Variants in TMEM26 observed in about 807,000 individuals in gnomAD.
The protein encoded by TMEM26 is transmembrane protein 26.
Under a neutral mutation model 28.8 loss-of-function variants are expected in TMEM26, and 38 were observed. That is an observed-to-expected ratio of 1.32 (90% CI 1.02 to 1.73). The LOEUF (loss-of-function observed/expected upper bound fraction) is 1.73. Ranked by LOEUF, TMEM26 falls within the 40% of genes most tolerant of loss-of-function variation. The pLI is 0.00. For synonymous variants in TMEM26, 227 were observed against 182.9 expected (o/e 1.24, Z -1.95); for missense variants, 518 against 447.1 (o/e 1.16, Z -1.43).
intron 4 of TMEM26, 85 bp downstream of exon 4, chr10:61,428,841 T>G: frequency 8.5e-7 from 1 of 1,171,196 alleles, no homozygotes; most frequent in Non-Finnish European, 1.2e-6. Flanking sequence ...TTCTTATTCA[T>G]GTGAAATACA....
chr10:61,415,919 A>T (rs12766100), intron 4 of TMEM26: 45,329 of 301,336 alleles, frequency 0.15, 4,022 homozygotes, highest in Middle Eastern at 0.28. Context: ...TCATATGTTT[A>T]AGGACTATAA....
chr10:61,434,042 GATT>G (rs1316154792), intron 2 of TMEM26, among the ~76,000 whole-genome samples: 1 of 152,152 alleles, frequency 6.6e-6, no homozygotes, highest in Non-Finnish European at 1.5e-5. Context: ...GAAGAAAAGT[GATT>G]ATTATCACTC....
intron 4 of TMEM26, among the ~76,000 whole-genome samples, chr10:61,424,418 C>T (rs1464761933): frequency 6.6e-6 from 1 of 152,038 alleles, no homozygotes; most frequent in African/African-American, 2.4e-5. Flanking sequence ...AACATCTAAA[C>T]AAAGGATGAG....
chr10:61,449,535 A>G (rs1227561292), intron 1 of TMEM26, among the ~76,000 whole-genome samples: 1 of 152,210 alleles, frequency 6.6e-6, no homozygotes, highest in Non-Finnish European at 1.5e-5. Context: ...TTTCCTCTAT[A>G]GCTCTATTTA....
At position 61,436,174 on chromosome 10, in the gene TMEM26, G is replaced by GTC. The variant is rs1564480422; in HGVS notation, c.264_265dup (p.Thr89ArgfsTer26). 1 of 1,597,794 alleles carries GTC rather than the reference G, an allele frequency of 6.3e-7. No individual in the cohort carries two copies. The highest frequency in any genetic ancestry group is 1.7e-5 in the Admixed American group (1 of 59,578). ...CTACTTTCCAAAAAGAAGTACCTGG[G>GTC]TCTCATGGTGCAATTCAAGAAGCCA... On this transcript the variant is annotated frameshift_variant, in exon 2 of 6. Transcript: ENST00000399298. LOFTEE classifies it high-confidence loss of function.
chr10:61,413,569 A>G, intron 4 of TMEM26, 34 bp from the exon 5 acceptor site: 1 of 1,576,416 alleles, frequency 6.3e-7, no homozygotes, highest in East Asian at 2.3e-5. Flanking sequence ...ATTTGTAATA[A>G]AAAGTATGAT....
chr10:61,416,651 G>T (rs1267594067), intron 4 of TMEM26, among the ~76,000 whole-genome samples: 2 of 151,454 alleles, frequency 1.3e-5, no homozygotes, highest in Non-Finnish European at 1.5e-5. Flanking sequence ...TATAAAATTG[G>T]GATAATAAAA....
chr10:61,451,713 G>A (rs1407298550), intron 1 of TMEM26, among the ~76,000 whole-genome samples: 1 of 152,074 alleles, frequency 6.6e-6, no homozygotes, highest in Non-Finnish European at 1.5e-5. Context: ...TATTAAATTA[G>A]GATTGTTCTT....
rs1032584896 is a variant in TMEM26 at position 61,431,238 on chromosome 10, G to C, written c.365C>G (p.Ala122Gly). ...TCTCACCGTCTCAATGAGATCATCA[G>C]CTCTACTGGTTTGTTCATTGGATGT... Reference protein sequence around the residue: ...TLTSNEQTSRADDLIETAKVF... With the variant: ...TLTSNEQTSRGDDLIETAKVF... The change falls in exon 3 of 6, where the codon GCT becomes GGT. Residue 122 changes from alanine (A) to glycine (G), a missense_variant. Transcript: ENST00000399298. The C allele has an allele frequency of 3.1e-6, 5 of 1,612,646 alleles. No individual in the cohort carries two copies. Among genetic ancestry groups the C allele is most frequent in the Non-Finnish European group, 4.2e-6 (5 of 1,179,086 alleles).
At chr10:61,414,892 C>G (rs879469305) in intron 4 of TMEM26, 5 of 743,972 alleles carry the variant, frequency 6.7e-6, no homozygotes, top group Non-Finnish European at 8.2e-6. Context: ...AAAAAGTCTC[C>G]CATAGTGTCC....
At chr10:61,430,141 G>C (rs1385174687) in intron 3 of TMEM26, among the ~76,000 whole-genome samples, 2 of 151,998 alleles carry the variant, frequency 1.3e-5, no homozygotes, top group South Asian at 2.1e-4. Context: ...GTAGAGTAAA[G>C]ATTAATATTT....
At chr10:61,427,007 G>A (rs1839844385) in intron 4 of TMEM26, among the ~76,000 whole-genome samples, 3 of 151,842 alleles carry the variant, frequency 2.0e-5, no homozygotes. Flanking sequence ...AGTAATAGAG[G>A]CACATAGAAC....
At position 61,409,269 on chromosome 10, in the gene TMEM26, G is replaced by C. The variant is rs1470273117; in HGVS notation, c.*1053C>G. On this transcript the variant is annotated 3_prime_UTR_variant, in exon 6 of 6. Transcript: ENST00000399298. ...AAGCGAATTGCCTGATTCCCACAAC[G>C]GGGTAGCACATTCCGACTCCCGTCA... 1 of 152,168 alleles carries C rather than the reference G, an allele frequency of 6.6e-6. No individual in the cohort carries two copies. Among genetic ancestry groups the C allele is most frequent in the Non-Finnish European group, 1.5e-5 (1 of 68,050 alleles). 9.4% of individuals were successfully genotyped at this position (152,168 alleles called of 1,614,324 possible).
In TMEM26 at chr10:61,430,254, T is replaced by C. The variant is rs190935809; in HGVS notation, c.384+965A>G. On this transcript the variant is annotated intron_variant, in intron 3 of 5. Transcript: ENST00000399298. Reference sequence around the variant, plus strand: ...GAATTAGAACCCAAGGTTCATTCCATTAAACCTCACAGAACCAATAGTACA... The same window carrying C: ...GAATTAGAACCCAAGGTTCATTCCACTAAACCTCACAGAACCAATAGTACA... Among the ~76,000 whole-genome samples, 971 of 152,156 alleles carry C rather than the reference T, an allele frequency of 6.4e-3. 9 individuals are homozygous for C. The highest frequency in any genetic ancestry group is 0.022 in the African/African-American group (914 of 41,536).
rs1839541405 is a variant in TMEM26, at chr10:61,409,923, G to GA, written c.*398dup. ...TTTTTGATGTCAGAGGAACATTGCAGAAAAGATCAGACGAAATAGTCTGAC... is the reference window on the plus strand; with the variant it reads ...TTTTTGATGTCAGAGGAACATTGCAGAAAAAGATCAGACGAAATAGTCTGAC... On this transcript the variant is annotated 3_prime_UTR_variant, in exon 6 of 6. Transcript: ENST00000399298. 1 of 187,586 alleles carries GA rather than the reference G, an allele frequency of 5.3e-6. No individual in the cohort carries two copies. Among genetic ancestry groups the GA allele is most frequent in the African/African-American group, 2.4e-5 (1 of 42,038 alleles). 11.6% of individuals were successfully genotyped at this position (187,586 alleles called of 1,614,324 possible).
At chr10:61,452,572 C>G (rs1009751985) in intron 1 of TMEM26, 2 of 306,526 alleles carry the variant, frequency 6.5e-6, no homozygotes, top group Non-Finnish European at 1.3e-5. Flanking sequence ...TCCCAAGACT[C>G]CCCTATTTGC....
intron 1 of TMEM26, among the ~76,000 whole-genome samples, chr10:61,438,004 G>T (rs781192680): frequency 2.6e-5 from 4 of 151,978 alleles, no homozygotes; most frequent in Non-Finnish European, 4.4e-5. Context: ...TTATAATTCA[G>T]GAGAGAAAAG....
chr10:61,452,605 C>A, intron 1 of TMEM26: 1 of 388,404 alleles, frequency 2.6e-6, no homozygotes, highest in Non-Finnish European at 4.8e-6. Flanking sequence ...CAAAATAGAC[C>A]AGCGCTTCCT....
intron 4 of TMEM26, among the ~76,000 whole-genome samples, chr10:61,416,570 A>C (rs150920379): frequency 6.4e-4 from 97 of 152,174 alleles, no homozygotes; most frequent in African/African-American, 2.1e-3. Flanking sequence ...ATGGTAGATC[A>C]CTACAAATTA....
Sources: gnomAD v4.1 joint callset for allele counts (sites outside exome capture counted in the v4.1 genomes callset) on GRCh38, gnomAD v4.1.1 for gene constraint, MANE v1.5 for transcripts, NCBI Gene and HGNC (gene_info 2026-07-23, HGNC 2026-07-21) for gene names.